Variants in NCAM2 observed in about 807,000 individuals in gnomAD.
NCAM2 encodes the protein neural cell adhesion molecule 2.
A neutral mutation model predicts 98.1 loss-of-function variants in NCAM2; 30 were observed. The observed-to-expected ratio is 0.31, with a 90% CI of 0.23 to 0.41. The LOEUF is 0.41. Among genes scored for constraint, NCAM2 ranks in the 10% least tolerant of loss-of-function variants. The pLI, the probability that NCAM2 is intolerant of heterozygous loss-of-function variation, is 1.00. For missense variants in NCAM2, 867 were observed against 1,005.8 expected, an observed-to-expected ratio of 0.86 and a Z score of 1.87; for synonymous variants, 368 against 342.4, an observed-to-expected ratio of 1.07 and a Z score of -0.83.
intron 5 of NCAM2, among the ~76,000 whole-genome samples, chr21:21,314,961 A>G (rs749580121): frequency 1.3e-5 from 2 of 152,210 alleles, no homozygotes; most frequent in African/African-American, 2.4e-5. Context: ...TTCCAATGAC[A>G]TGATTTTCCT....
chr21:21,455,518 A>T (rs1038080378), intron 12 of NCAM2, among the ~76,000 whole-genome samples: 1 of 151,990 alleles, frequency 6.6e-6, no homozygotes. Flanking sequence ...ATGTTTATTC[A>T]TAGAATTACT....
chr21:21,200,751 A>ATTTTTTTT (rs58162973), intron 1 of NCAM2, among the ~76,000 whole-genome samples: 2 of 108,678 alleles, frequency 1.8e-5, no homozygotes, highest in South Asian at 3.0e-4. Context: ...GGGGCCCTTC[A>ATTTTTTTT]TTTTTTTTTT....
intron 9 of NCAM2, among the ~76,000 whole-genome samples, chr21:21,389,881 C>T (rs2076344136): frequency 6.6e-6 from 1 of 152,130 alleles, no homozygotes; most frequent in African/African-American, 2.4e-5. Flanking sequence ...GGCGGAGTCT[C>T]ACTCTGTTGC....
intron 12 of NCAM2, among the ~76,000 whole-genome samples, chr21:21,435,444 G>A (rs1158795019): frequency 6.6e-6 from 1 of 152,000 alleles, no homozygotes; most frequent in Non-Finnish European, 1.5e-5. Context: ...CTTTCTTCTG[G>A]GTGGAAGACT....
At position 21,255,249 on chromosome 21, in the gene NCAM2, C is replaced by A. The variant is rs1467633270; in HGVS notation, c.56-25329C>A. Among the ~76,000 whole-genome samples, 5 of 152,254 alleles carry A rather than the reference C, an allele frequency of 3.3e-5. No homozygotes were observed. The South Asian group carries it at 1.0e-3, about 32-fold the overall frequency. Reference sequence around the variant, plus strand: ...TGGAGTACACTGGAACAGGCCTTAGCTTATGAGTAGCTTACAGACATCCCT... The same window carrying A: ...TGGAGTACACTGGAACAGGCCTTAGATTATGAGTAGCTTACAGACATCCCT... On this transcript the variant is annotated intron_variant, in intron 1 of 17. Transcript: ENST00000400546.
Position 21,475,878 on chromosome 21 carries a change from T to C in NCAM2, c.1897-1413T>C, listed in dbSNP as rs115572178. Among the ~76,000 whole-genome samples, 591 of 152,182 alleles carry C rather than the reference T, an allele frequency of 3.9e-3. 8 individuals carry two copies. Among genetic ancestry groups the C allele is most frequent in the African/African-American group, 0.014 (577 of 41,502 alleles). ...TATGTCACCAAAAAGTTTATTTCCTTTGTAATAAAAGTTCTGTGTCACCAA... is the reference window on the plus strand; with the variant it reads ...TATGTCACCAAAAAGTTTATTTCCTCTGTAATAAAAGTTCTGTGTCACCAA... On this transcript the variant is annotated intron_variant, in intron 14 of 17. Coordinates refer to ENST00000400546, the MANE Select transcript of NCAM2 (RefSeq NM_004540.5).
intron 1 of NCAM2, among the ~76,000 whole-genome samples, chr21:21,033,999 T>A (rs1384669630): frequency 1.3e-5 from 2 of 150,978 alleles, no homozygotes; most frequent in Admixed American, 1.3e-4. Context: ...TAAAGTGGGA[T>A]TGGTACCTTT....
intron 1 of NCAM2, among the ~76,000 whole-genome samples, chr21:21,114,904 T>C (rs1203914168): frequency 6.6e-6 from 1 of 152,124 alleles, no homozygotes; most frequent in African/African-American, 2.4e-5. Context: ...CACTGTAAGC[T>C]CTGCCTCCTG....
At chr21:21,390,145 C>T (rs2076351286) in intron 9 of NCAM2, among the ~76,000 whole-genome samples, 1 of 152,094 alleles carries the variant, frequency 6.6e-6, no homozygotes, top group Non-Finnish European at 1.5e-5. Context: ...ACCGCGCCAC[C>T]TGGCTATTAT....
chr21:21,081,569 G>C (rs1317448885), intron 1 of NCAM2, among the ~76,000 whole-genome samples: 1 of 152,136 alleles, frequency 6.6e-6, no homozygotes, highest in East Asian at 1.9e-4. Context: ...GGGAGGCTGA[G>C]ACAAACAGAT....
intron 1 of NCAM2, among the ~76,000 whole-genome samples, chr21:21,164,155 TTGGC>T (rs555921604): frequency 1.1e-3 from 162 of 152,322 alleles, no homozygotes; most frequent in African/African-American, 3.7e-3. Flanking sequence ...CTGATCATCC[TTGGC>T]TGGGCAAACT....
At chr21:21,074,820 T>A (rs567526144) in intron 1 of NCAM2, among the ~76,000 whole-genome samples, 4 of 135,880 alleles carry the variant, frequency 2.9e-5, no homozygotes, top group Non-Finnish European at 6.3e-5. Context: ...GAAGGTCATG[T>A]CTCTGTTGAT....
At chr21:21,080,933 C>T (rs1367400065) in intron 1 of NCAM2, among the ~76,000 whole-genome samples, 1 of 152,002 alleles carries the variant, frequency 6.6e-6, no homozygotes, top group Non-Finnish European at 1.5e-5. Flanking sequence ...CGCTTTAGAA[C>T]AGGAATGAAA....
At chr21:21,396,361 G>A (rs2145850957) in intron 9 of NCAM2, among the ~76,000 whole-genome samples, 1 of 152,300 alleles carries the variant, frequency 6.6e-6, no homozygotes, top group Middle Eastern at 3.4e-3. Context: ...ATACAATAGT[G>A]TTAGCACATA....
chr21:21,207,703 C>CT (rs1488875691), intron 1 of NCAM2, among the ~76,000 whole-genome samples: 1 of 152,114 alleles, frequency 6.6e-6, no homozygotes, highest in African/African-American at 2.4e-5. Flanking sequence ...GGCATGAGGA[C>CT]TGGCCAATCA....
chr21:21,010,469 T>C (rs2064189109), intron 1 of NCAM2, among the ~76,000 whole-genome samples: 2 of 152,132 alleles, frequency 1.3e-5, no homozygotes, highest in African/African-American at 4.8e-5. Context: ...AATGTATTTT[T>C]GCTTTCAAGT....
At chr21:21,355,797 G>C (rs1355693923) in intron 8 of NCAM2, among the ~76,000 whole-genome samples, 1 of 151,718 alleles carries the variant, frequency 6.6e-6, no homozygotes, top group Non-Finnish European at 1.5e-5. Context: ...TGTATGTTTA[G>C]TAGAGACCAG....
At chr21:21,156,482 C>A (rs1319243108) in intron 1 of NCAM2, among the ~76,000 whole-genome samples, 1 of 151,762 alleles carries the variant, frequency 6.6e-6, no homozygotes, top group East Asian at 1.9e-4. Flanking sequence ...AAAATAATTG[C>A]TTGATAATCC....
chr21:21,041,120 A>T lies in NCAM2; in HGVS notation c.55+42502A>T, dbSNP rs558425839. On this transcript the variant is annotated intron_variant, in intron 1 of 17. Transcript: ENST00000400546. ...AAAAACAACAACAAAACAGAAACAC[A>T]AAGAAAAGAAAGAGCTATCAATTGA... 4.6e-5 allele frequency among the ~76,000 whole-genome samples: 7 copies of T among 152,308 alleles called. No homozygotes were observed. The South Asian group carries it at 1.4e-3, about 32-fold the overall frequency.
Sources: gnomAD v4.1 joint callset for allele counts (sites outside exome capture counted in the v4.1 genomes callset) on GRCh38, gnomAD v4.1.1 for gene constraint, MANE v1.5 for transcripts, NCBI Gene and HGNC (gene_info 2026-07-23, HGNC 2026-07-21) for gene names.